RBFOX3: variants seen among roughly 807,000 people sequenced by gnomAD.
RBFOX3 encodes the protein RNA binding fox-1 homolog 3.
A neutral mutation model predicts 48.7 loss-of-function variants in RBFOX3; 17 were observed. The ratio of observed to expected loss-of-function variants is 0.35; its 90% CI spans 0.24 to 0.52. RBFOX3 has a LOEUF of 0.52. Ranked by LOEUF, RBFOX3 falls within the 20% of genes least tolerant of loss-of-function variation. The pLI is 0.94. For synonymous variants in RBFOX3, 212 were observed against 209.5 expected, an observed-to-expected ratio of 1.01 and a Z score of -0.10; for missense variants, 382 against 497.5, an observed-to-expected ratio of 0.77 and a Z score of 2.21.
At chr17:79,245,774 T>C (rs898005566) in intron 3 of RBFOX3, among the ~76,000 whole-genome samples, 6 of 151,898 alleles carry the variant, frequency 4.0e-5, no homozygotes, top group African/African-American at 1.2e-4. Context: ...ATTACAGATG[T>C]ACACCACCAT....
chr17:79,190,432 C>CTATAACAAAA (rs1555596697), intron 4 of RBFOX3, among the ~76,000 whole-genome samples: 23 of 114,742 alleles, frequency 2.0e-4, no homozygotes, highest in Non-Finnish European at 3.3e-4. Context: ...AAAAAAAAAA[C>CTATAACAAAA]AAAAAAACAG....
chr17:79,573,386 G>C (rs1455799648), intron 1 of RBFOX3, among the ~76,000 whole-genome samples: 2 of 152,236 alleles, frequency 1.3e-5, no homozygotes, highest in South Asian at 2.1e-4. Context: ...GGGCTATGCA[G>C]TCCCCAGCCG....
intron 3 of RBFOX3, among the ~76,000 whole-genome samples, chr17:79,306,071 A>G (rs560474212): frequency 6.6e-6 from 1 of 152,366 alleles, no homozygotes; most frequent in Admixed American, 6.5e-5. Context: ...GAAAGCCAGA[A>G]AGCACAGACG....
intron 2 of RBFOX3, among the ~76,000 whole-genome samples, chr17:79,324,792 G>A (rs573244963): frequency 6.6e-6 from 1 of 152,312 alleles, no homozygotes; most frequent in Admixed American, 6.5e-5. Flanking sequence ...GGAGGCAGAC[G>A]CTCATTCATC....
intron 1 of RBFOX3, among the ~76,000 whole-genome samples, chr17:79,546,340 T>C (rs2090430104): frequency 6.6e-6 from 1 of 152,140 alleles, no homozygotes; most frequent in African/African-American, 2.4e-5. Flanking sequence ...CAGTCTCCCT[T>C]TTCATCCACA....
intron 1 of RBFOX3, among the ~76,000 whole-genome samples, chr17:79,587,688 C>A (rs988424845): frequency 6.6e-6 from 1 of 152,136 alleles, no homozygotes; most frequent in Non-Finnish European, 1.5e-5. Context: ...TCGGACCAAG[C>A]GGCACCTAGG....
chr17:79,370,997 C>G (rs2889623), intron 2 of RBFOX3, among the ~76,000 whole-genome samples: 103,184 of 138,554 alleles, frequency 0.74, 35,915 homozygotes, highest in Admixed American at 0.81. Context: ...TCTCCTCCCC[C>G]GGTAGGGGGT....
chr17:79,344,132 A>G (rs1315286851), intron 2 of RBFOX3, among the ~76,000 whole-genome samples: 1 of 152,168 alleles, frequency 6.6e-6, no homozygotes, highest in African/African-American at 2.4e-5. Flanking sequence ...GGGATGGATG[A>G]TTTGAGAATC....
At chr17:79,289,852 T>C (rs1300442353) in intron 3 of RBFOX3, among the ~76,000 whole-genome samples, 2 of 152,238 alleles carry the variant, frequency 1.3e-5, no homozygotes, top group African/African-American at 2.4e-5. Context: ...GAACATGACA[T>C]CAATAACATT....
At position 79,561,564 on chromosome 17, in the gene RBFOX3, C is replaced by T. The variant is rs955866488; in HGVS notation, c.-320+49262G>A. 2.9e-4 allele frequency among the ~76,000 whole-genome samples: 44 copies of T among 152,288 alleles called. 1 individual carries two copies. The East Asian group carries it at 6.8e-3, about 23-fold the overall frequency. ...ACTGGGTCAGCGCCTTTCCATCAGC[C>T]GATGTCACCGCTGAAACTGAAAAGC... On this transcript the variant is annotated intron_variant, in intron 1 of 14. Coordinates refer to ENST00000693108, the MANE Select transcript of RBFOX3 (RefSeq NM_001350451.2).
At chr17:79,207,824 TC>T (rs2057725356) in intron 4 of RBFOX3, among the ~76,000 whole-genome samples, 1 of 152,170 alleles carries the variant, frequency 6.6e-6, no homozygotes, top group Admixed American at 6.5e-5. Flanking sequence ...CTCCTTTCCC[TC>T]CCCTTCTCTC....
intron 3 of RBFOX3, among the ~76,000 whole-genome samples, chr17:79,255,051 C>T (rs1047192411): frequency 6.6e-6 from 1 of 152,106 alleles, no homozygotes; most frequent in Non-Finnish European, 1.5e-5. Flanking sequence ...GCCCCCAGGG[C>T]CTGTATCTGC....
the RBFOX3 span, among the ~76,000 whole-genome samples, chr17:79,657,832 T>C: frequency 1.3e-5 from 2 of 152,210 alleles, no homozygotes; most frequent in African/African-American, 2.4e-5. Flanking sequence ...TGAACACGGA[T>C]GTTTCCCTCC....
intron 1 of RBFOX3, among the ~76,000 whole-genome samples, chr17:79,547,660 GGAGAA>G (rs1244991572): frequency 6.6e-6 from 1 of 152,130 alleles, no homozygotes; most frequent in African/African-American, 2.4e-5. Flanking sequence ...CATCCACTGG[GGAGAA>G]GAGACCACAG....
intron 1 of RBFOX3, among the ~76,000 whole-genome samples, chr17:79,513,643 G>T (rs2084829879): frequency 1.3e-5 from 2 of 152,222 alleles, no homozygotes; most frequent in Non-Finnish European, 1.5e-5. Context: ...CCTCTTACCA[G>T]CCACGTGGCC....
At chr17:79,208,153 A>G (rs985714723) in intron 4 of RBFOX3, among the ~76,000 whole-genome samples, 3 of 152,106 alleles carry the variant, frequency 2.0e-5, no homozygotes, top group Non-Finnish European at 2.9e-5. Context: ...ACCACAACCA[A>G]GCGGATACAG....
chr17:79,195,470 G>T lies in RBFOX3; in HGVS notation c.-34+40296C>A, dbSNP rs1276889827. 6.6e-6 allele frequency among the ~76,000 whole-genome samples: 1 copy of T among 151,952 alleles called. No homozygotes were observed. Among genetic ancestry groups the T allele is most frequent in the Non-Finnish European group, 1.5e-5 (1 of 68,010 alleles). ...CTGGGTCTCTTCTTAGAGTAAGGCC[G>T]CACGCAAGTCTGTGTGGGCAGGAAG... On this transcript the variant is annotated intron_variant, in intron 4 of 14. Coordinates refer to ENST00000693108, the MANE Select transcript of RBFOX3 (RefSeq NM_001350451.2). This position sits in a 1 kb window ranked among gnomAD's most constrained non-coding sequence, Gnocchi z 5.3.
In RBFOX3 at chr17:79,556,928, T is replaced by C. The variant is rs1052469173; in HGVS notation, c.-320+53898A>G. Among the ~76,000 whole-genome samples the C allele has an allele frequency of 2.5e-3, 379 of 152,208 alleles. 1 individual carries two copies. Among genetic ancestry groups the C allele is most frequent in the South Asian group, 0.011 (54 of 4,810 alleles). On this transcript the variant is annotated intron_variant, in intron 1 of 14. Coordinates refer to ENST00000693108, the MANE Select transcript of RBFOX3 (RefSeq NM_001350451.2). ...TCAGGGCTTTCCACGTCTGTCTCCA[T>C]GGTCCCCAAAGAACTCTACTGAGAA... is the stretch of plus-strand genomic sequence containing the variant.
At chr17:79,581,501 A>C (rs1599212819) in intron 1 of RBFOX3, among the ~76,000 whole-genome samples, 1 of 152,158 alleles carries the variant, frequency 6.6e-6, no homozygotes, top group Non-Finnish European at 1.5e-5. Flanking sequence ...TCGTTACGTC[A>C]CTCACCGCTG....
Sources: gnomAD v4.1 joint callset for allele counts (sites outside exome capture counted in the v4.1 genomes callset) on GRCh38, gnomAD v4.1.1 for gene constraint, Gnocchi (gnomAD v3.1) non-coding constraint, MANE v1.5 for transcripts, NCBI Gene and HGNC (gene_info 2026-07-23, HGNC 2026-07-21) for gene names.